Variants in BTNL9 observed in about 807,000 individuals in gnomAD.
The protein encoded by BTNL9 is butyrophilin like 9.
A neutral mutation model predicts 45.8 loss-of-function variants in BTNL9; 45 were observed. That is an observed-to-expected ratio of 0.98 (90% CI 0.77 to 1.26). The LOEUF is 1.26. Among genes scored for constraint, BTNL9 ranks in the 50% most tolerant of loss-of-function variants. The pLI, the probability that BTNL9 is intolerant of heterozygous loss-of-function variation, is 0.00. For synonymous variants in BTNL9, 346 were observed against 330.8 expected (o/e 1.05, Z -0.50); for missense variants, 784 against 729.7 (o/e 1.07, Z -0.86).
Position 181,053,129 on chromosome 5 carries a change from G to C in BTNL9, c.737-71G>C, listed in dbSNP as rs376945847. The C allele has an allele frequency of 1.1e-5, 14 of 1,320,672 alleles. No individual in the cohort carries two copies. In the East Asian group the frequency reaches 1.8e-4, roughly 17 times the overall value. The allele number at this position is 1,320,672 out of a possible 1,614,324, so 81.8% of individuals were successfully genotyped here. ...CGCGGGAGGTTTCCCGGCACGCGGC[G>C]GGCAGGCCGGTCTCGCCTCTCGGTG... On this transcript the variant is annotated intron_variant, in intron 4 of 10. Coordinates refer to ENST00000327705, the MANE Select transcript of BTNL9 (RefSeq NM_152547.5). This position sits in a 1 kb window ranked among gnomAD's most constrained non-coding sequence, Gnocchi z 6.5.
chr5:181,047,942 G>T lies in BTNL9; in HGVS notation c.125G>T (p.Gly42Val). ...GEPSSEVKVLGPEYPILALVG... is the reference protein window; with the variant it reads ...GEPSSEVKVLVPEYPILALVG... ...GTCATCCTAGAGGTCAAGGTGCTAG[G>T]CCCTGAGTATCCCATCCTGGCCCTC... The change falls in exon 3 of 11, where the codon GGC (glycine) becomes GTC (valine). Residue 42 changes from glycine to valine, a missense_variant. By Grantham distance (109) the Gly-to-Val change is moderately radical. Transcript: ENST00000327705. 1 of 1,613,766 alleles carries T rather than the reference G, an allele frequency of 6.2e-7. No individual in the cohort carries two copies. Among genetic ancestry groups the T allele is most frequent in the Non-Finnish European group, 8.5e-7 (1 of 1,179,972 alleles).
Position 181,060,658 on chromosome 5 carries a change from T to C in BTNL9, c.*796T>C, listed in dbSNP as rs1306885273. 1.3e-5 allele frequency: 2 copies of C among 152,210 alleles called. No individual in the cohort carries two copies. Among genetic ancestry groups the C allele is most frequent in the Non-Finnish European group, 2.9e-5 (2 of 68,030 alleles). The allele number at this position is 152,210 out of a possible 1,614,324, so 9.4% of individuals were successfully genotyped here. A position where few individuals can be genotyped will look rare whatever the true frequency, so the allele number is the denominator to read the frequency against. ...GAAATCTAATTATTGGTGAGAGTCT[T>C]GGAGAACAGGCTGTTTCCAGTCTCA... On this transcript the variant is annotated 3_prime_UTR_variant, in exon 11 of 11. Coordinates refer to ENST00000327705, the MANE Select transcript of BTNL9 (RefSeq NM_152547.5).
In BTNL9 at chr5:181,059,265, G is replaced by T; in HGVS notation, c.1011G>T (p.Ala337=). ...ATGTGACGCTGGACCCGGCCTCGGC[G>T]CACCCCAGCCTGGAGGTGTCGGAGG... ...AVDVTLDPAS[A]HPSLEVSEDG... Residue 337 remains alanine, a synonymous_variant, in exon 11 of 11, where the codon GCG becomes GCT. Coordinates refer to ENST00000327705, the MANE Select transcript of BTNL9 (RefSeq NM_152547.5). 6.4e-7 allele frequency: 1 copy of T among 1,567,970 alleles called. No homozygotes were observed. The highest frequency in any genetic ancestry group is 8.6e-7 in the Non-Finnish European group (1 of 1,165,914).
chr5:181,061,082 A>G lies in BTNL9; in HGVS notation c.*1220A>G, dbSNP rs1213308130. On this transcript the variant is annotated 3_prime_UTR_variant, in exon 11 of 11. Transcript: ENST00000327705. ...GGCATGAGCCGCTGTGCCTGGCTTC[A>G]TTTTCAGAGTGAGACATTTGTACTG... The G allele has an allele frequency of 6.6e-6, 1 of 152,236 alleles. No individual in the cohort carries two copies. Among genetic ancestry groups the G allele is most frequent in the Non-Finnish European group, 1.5e-5 (1 of 68,056 alleles). 9.4% of individuals were successfully genotyped at this position (152,236 alleles called of 1,614,324 possible). A position where few individuals can be genotyped will look rare whatever the true frequency, so the allele number is the denominator to read the frequency against.
At chr5:181,046,386 G>C (rs1033280290) in intron 2 of BTNL9, among the ~76,000 whole-genome samples, 2 of 152,012 alleles carry the variant, frequency 1.3e-5, no homozygotes, top group African/African-American at 4.8e-5. Flanking sequence ...AGGCATAGCA[G>C]GGAGCAGAGC....
chr5:181,044,140 C>T (rs928100392), intron 1 of BTNL9, among the ~76,000 whole-genome samples: 2 of 152,178 alleles, frequency 1.3e-5, no homozygotes, highest in Non-Finnish European at 2.9e-5. Context: ...TGTCTGGGTG[C>T]CTCCTAGCCT....
rs1280799737 is a variant in BTNL9 at position 181,048,392 on chromosome 5, G to A, written c.454+121G>A. Reference sequence around the variant, plus strand: ...ATTTTTAAAAAACATAAAAGCTGATGGATAGGTCCATTCTCAAATGAACAA... The same window carrying A: ...ATTTTTAAAAAACATAAAAGCTGATAGATAGGTCCATTCTCAAATGAACAA... On this transcript the variant is annotated intron_variant, in intron 3 of 10. Coordinates refer to ENST00000327705, the MANE Select transcript of BTNL9 (RefSeq NM_152547.5). 5.7e-6 allele frequency: 5 copies of A among 881,470 alleles called. No individual in the cohort carries two copies. The Admixed American group carries it at 1.2e-4, about 20-fold the overall frequency. 54.6% of individuals were successfully genotyped at this position (881,470 alleles called of 1,614,324 possible). A position where few individuals can be genotyped will look rare whatever the true frequency, so the allele number is the denominator to read the frequency against.
At chr5:181,049,040 G>A (rs1010653057) in intron 3 of BTNL9, among the ~76,000 whole-genome samples, 1 of 150,262 alleles carries the variant, frequency 6.7e-6, no homozygotes, top group African/African-American at 2.5e-5. Flanking sequence ...TGTCAGACTA[G>A]CAAAATTTCA....
At chr5:181,056,854 G>C (rs1266073087) in intron 9 of BTNL9, 2 of 485,076 alleles carry the variant, frequency 4.1e-6, no homozygotes, top group Non-Finnish European at 7.3e-6. Flanking sequence ...TTGTTCTTTA[G>C]GTTTGCAACC....
intron 7 of BTNL9, chr5:181,054,730 G>T (rs78169293): frequency 1.0e-6 from 1 of 985,086 alleles, no homozygotes; most frequent in African/African-American, 1.7e-5. Context: ...TGGAGGAAAA[G>T]GCCATCATGG....
rs994480279 is a variant in BTNL9 at position 181,042,003 on chromosome 5, G to A, written c.-24+1571G>A. On this transcript the variant is annotated intron_variant, in intron 1 of 10. Coordinates refer to ENST00000327705, the MANE Select transcript of BTNL9 (RefSeq NM_152547.5). The surrounding 1 kb of genome is among the most constrained non-coding windows in gnomAD (Gnocchi z 4.5). ...AGTACTCATCTTTAAAGACAGACTC[G>A]ACGGAGGGACCGGAAATCAGAAAAA... Among the ~76,000 whole-genome samples, 9 of 152,136 alleles carry A rather than the reference G, an allele frequency of 5.9e-5. No individual in the cohort carries two copies. Among genetic ancestry groups the A allele is most frequent in the Admixed American group, 4.6e-4 (7 of 15,264 alleles).
At position 181,045,592 on chromosome 5, in the gene BTNL9, A is replaced by G; in HGVS notation, c.103A>G (p.Ser35Gly). 2 of 1,610,374 alleles carry G rather than the reference A, an allele frequency of 1.2e-6. No individual in the cohort carries two copies. Among genetic ancestry groups the G allele is most frequent in the South Asian group, 1.1e-5 (1 of 91,038 alleles). Reference protein sequence around the residue: ...HLLLLQPGEPSSEVKVLGPEY... With the variant: ...HLLLLQPGEPGSEVKVLGPEY... ...CCTCCTCCTTCAGCCTGGGGAGCCG[A>G]GCTCAGGTATTGTGTCTGCAGCCTA... is the stretch of plus-strand genomic sequence containing the variant. The change falls in exon 2 of 11, where the codon AGC becomes GGC. Residue 35 changes from serine to glycine, a missense_variant. Physicochemically the swap from Ser to Gly is moderately conservative, Grantham distance 56. Transcript: ENST00000327705.
chr5:181,053,233 G>A lies in BTNL9; in HGVS notation c.770G>A (p.Ser257Asn). ...GTACCCGGAGCCTCTGCGTGGAAGA[G>A]CGCGTTCGTCGCGACCCTGCCGCTG... ...VFVPGASAWK[S>N]AFVATLPLLL... The change falls in exon 5 of 11, where the codon AGC (serine) becomes AAC (asparagine). Residue 257 changes from serine to asparagine, a missense_variant. By Grantham distance (46) the Ser-to-Asn change is conservative (BLOSUM62 1). Transcript: ENST00000327705. This position sits in a 1 kb window ranked among gnomAD's most constrained non-coding sequence, Gnocchi z 6.5. 1.3e-6 allele frequency: 2 copies of A among 1,589,630 alleles called. No homozygotes were observed. The highest frequency in any genetic ancestry group is 1.7e-6 in the Non-Finnish European group (2 of 1,168,976).
intron 6 of BTNL9, 77 bp from the exon 7 acceptor site, chr5:181,054,162 A>G: frequency 1.9e-6 from 3 of 1,598,694 alleles, no homozygotes; most frequent in South Asian, 2.2e-5. Context: ...GTGTTCACCC[A>G]TCTGTTCTGT....
At position 181,059,264 on chromosome 5, in the gene BTNL9, C is replaced by T. The variant is rs1256781880; in HGVS notation, c.1010C>T (p.Ala337Val). ...GATGTGACGCTGGACCCGGCCTCGG[C>T]GCACCCCAGCCTGGAGGTGTCGGAG... is the stretch of plus-strand genomic sequence containing the variant. ...AVDVTLDPAS[A>V]HPSLEVSEDG... Residue 337 changes from alanine (A) to valine (V), a missense_variant, in exon 11 of 11, where the codon GCG (alanine) becomes GTG (valine). By Grantham distance (64) the Ala-to-Val change is moderately conservative (BLOSUM62 0). Transcript: ENST00000327705. 9.6e-6 allele frequency: 15 copies of T among 1,567,076 alleles called. No homozygotes were observed. Among genetic ancestry groups the T allele is most frequent in the Non-Finnish European group, 1.3e-5 (15 of 1,165,646 alleles).
chr5:181,054,974 A>C (rs1554158395), intron 7 of BTNL9: 1 of 985,460 alleles, frequency 1.0e-6, no homozygotes, highest in Non-Finnish European at 1.2e-6. Context: ...TTTAGTAGCA[A>C]AATGTTGGAG....
At position 181,045,497 on chromosome 5, in the gene BTNL9, A is replaced by T; in HGVS notation, c.8A>T (p.Asp3Val). ...CCCCACTGCTGACGAGAGATGGTGG[A>T]CCTCTCAGTCTCCCCAGACTCCTTG... MV[D>V]LSVSPDSLKP... The change falls in exon 2 of 11, where the codon GAC becomes GTC. Residue 3 changes from aspartate to valine, a missense_variant. Coordinates refer to ENST00000327705, the MANE Select transcript of BTNL9 (RefSeq NM_152547.5). The T allele has an allele frequency of 6.2e-7, 1 of 1,604,510 alleles. No homozygotes were observed. Among genetic ancestry groups the T allele is most frequent in the Non-Finnish European group, 8.5e-7 (1 of 1,172,100 alleles).
At chr5:181,046,451 C>A (rs564427454) in intron 2 of BTNL9, among the ~76,000 whole-genome samples, 1 of 152,106 alleles carries the variant, frequency 6.6e-6, no homozygotes, top group Non-Finnish European at 1.5e-5. Flanking sequence ...CATTGATATA[C>A]GTTTTTAATT....
In BTNL9 at chr5:181,058,263, A is replaced by G. The variant is rs181292659; in HGVS notation, c.956-89A>G. On this transcript the variant is annotated intron_variant, in intron 9 of 10. Transcript: ENST00000327705. ...GAATGGGGTCATTCGATCTGCATGC[A>G]TCCCTCATACATCTGGAGACTTCGT... 3.4e-4 allele frequency: 494 copies of G among 1,449,920 alleles called. 3 individuals carry two copies. The African/African-American group carries it at 5.9e-3, about 17-fold the overall frequency. The allele number at this position is 1,449,920 out of a possible 1,614,324, so 89.8% of individuals were successfully genotyped here. A position where few individuals can be genotyped will look rare whatever the true frequency, so the allele number is the denominator to read the frequency against.
Sources: gnomAD v4.1 joint callset for allele counts (sites outside exome capture counted in the v4.1 genomes callset) on GRCh38, gnomAD v4.1.1 for gene constraint, Gnocchi (gnomAD v3.1) non-coding constraint, MANE v1.5 for transcripts, NCBI Gene and HGNC (gene_info 2026-07-23, HGNC 2026-07-21) for gene names.